CTNNBL1: variants seen among roughly 807,000 people sequenced by gnomAD.
CTNNBL1 encodes catenin beta like 1, also known as beta-catenin-like protein 1.
A neutral mutation model predicts 72.7 loss-of-function variants in CTNNBL1; 31 were observed. The observed-to-expected ratio is 0.43, with a 90% confidence interval of 0.32 to 0.58. CTNNBL1 has a LOEUF of 0.58. Ranked by LOEUF, CTNNBL1 falls within the 20% of genes least tolerant of loss-of-function variation. The pLI is 0.08. For missense variants in CTNNBL1, 534 were observed against 725.1 expected, an observed-to-expected ratio of 0.74 and a Z score of 3.03; for synonymous variants, 240 against 267.3, an observed-to-expected ratio of 0.90 and a Z score of 1.00.
chr20:37,782,464 A>G (rs1184387714), intron 10 of CTNNBL1, among the ~76,000 whole-genome samples: 1 of 152,218 alleles, frequency 6.6e-6, no homozygotes, highest in African/African-American at 2.4e-5. Flanking sequence ...AGTAAAATGT[A>G]CGCATTTTAA....
chr20:37,852,738 G>A (rs35103049), intron 13 of CTNNBL1, among the ~76,000 whole-genome samples: 2,107 of 152,208 alleles, frequency 0.014, 29 homozygotes, highest in Middle Eastern at 0.037. Flanking sequence ...ACTGAGCTTC[G>A]CCTCGGCTTC....
At chr20:37,869,615 G>A (rs1285725341) in intron 15 of CTNNBL1, among the ~76,000 whole-genome samples, 1 of 152,254 alleles carries the variant, frequency 6.6e-6, no homozygotes, top group East Asian at 1.9e-4. Context: ...AGGCCCACAT[G>A]TGCTGGAGGC....
chr20:37,824,378 C>T (rs1250051459), intron 11 of CTNNBL1, among the ~76,000 whole-genome samples: 10 of 152,250 alleles, frequency 6.6e-5, no homozygotes, highest in South Asian at 2.1e-4. Flanking sequence ...GCATTTGGCA[C>T]TAGGACCTTC....
At chr20:37,747,454 A>C (rs914888189) in intron 4 of CTNNBL1, among the ~76,000 whole-genome samples, 2 of 150,990 alleles carry the variant, frequency 1.3e-5, no homozygotes, top group African/African-American at 4.9e-5. Context: ...TGCATGTTGG[A>C]CCTAAACAGA....
chr20:37,801,784 C>G (rs1397755596), intron 10 of CTNNBL1, among the ~76,000 whole-genome samples: 2 of 152,120 alleles, frequency 1.3e-5, no homozygotes, highest in East Asian at 3.9e-4. Flanking sequence ...TGTTTCCCCC[C>G]TAAGACAAGG....
chr20:37,746,750 A>G, intron 4 of CTNNBL1, 143 bp downstream of exon 4: 1 of 1,120,202 alleles, frequency 8.9e-7, no homozygotes, highest in Non-Finnish European at 1.3e-6. Context: ...CTTGAAACAC[A>G]CAATGCTTTT....
chr20:37,732,703 T>G (rs915916851), intron 1 of CTNNBL1, among the ~76,000 whole-genome samples, 176 bp from the exon 2 acceptor site: 5 of 152,212 alleles, frequency 3.3e-5, no homozygotes, highest in African/African-American at 9.6e-5. Flanking sequence ...AGTCTTTTTT[T>G]GTATTTTTTG....
chr20:37,767,362 T>C (rs1317834534), intron 6 of CTNNBL1, among the ~76,000 whole-genome samples: 3 of 152,246 alleles, frequency 2.0e-5, no homozygotes, highest in Admixed American at 1.3e-4. Context: ...TTGTAGGAGA[T>C]AGCAGGACCA....
chr20:37,795,881 A>G (rs896434069), intron 10 of CTNNBL1, among the ~76,000 whole-genome samples: 1 of 143,480 alleles, frequency 7.0e-6, no homozygotes, highest in Middle Eastern at 3.3e-3. Context: ...AAATATTGTG[A>G]ATTTTACCTT....
intron 3 of CTNNBL1, among the ~76,000 whole-genome samples, chr20:37,742,404 C>T (rs1174513594): frequency 1.3e-5 from 2 of 152,214 alleles, no homozygotes; most frequent in East Asian, 3.8e-4. Context: ...AAGAAATTGT[C>T]TCTGGCAGAA....
At chr20:37,732,521 C>T (rs989134261) in intron 1 of CTNNBL1, among the ~76,000 whole-genome samples, 1 of 152,034 alleles carries the variant, frequency 6.6e-6, no homozygotes, top group Non-Finnish European at 1.5e-5. Flanking sequence ...GGCAAAACTG[C>T]GTATAAAAAA....
intron 7 of CTNNBL1, among the ~76,000 whole-genome samples, chr20:37,774,187 T>C (rs1258258200): frequency 6.6e-6 from 1 of 151,966 alleles, no homozygotes; most frequent in African/African-American, 2.4e-5. Context: ...GTGCTGGGAG[T>C]ACAGGTGTGA....
chr20:37,733,000 A>C lies in CTNNBL1; in HGVS notation c.152A>C (p.Glu51Ala). 1 of 1,614,058 alleles carries C rather than the reference A, an allele frequency of 6.2e-7. No homozygotes were observed. ...GAAGAAGAAATGACTGTGGTGGAGG[A>C]AGCGGATGATGACAAAAAAAGGCTG... ...YREEEMTVVE[E>A]ADDDKKRLLQ... The change falls in exon 2 of 16, where the codon GAA becomes GCA. Residue 51 changes from glutamate (E) to alanine (A), a missense_variant. Coordinates refer to ENST00000361383, the MANE Select transcript of CTNNBL1 (RefSeq NM_030877.5).
chr20:37,698,857 G>T (rs1432136654), intron 1 of CTNNBL1, among the ~76,000 whole-genome samples: 1 of 152,130 alleles, frequency 6.6e-6, no homozygotes, highest in Non-Finnish European at 1.5e-5. Context: ...ACCAGCCTGG[G>T]CAACATGGTG....
intron 11 of CTNNBL1, among the ~76,000 whole-genome samples, chr20:37,831,287 T>A (rs76923382): frequency 0.016 from 2,406 of 152,330 alleles, 62 homozygotes; most frequent in African/African-American, 0.054. Flanking sequence ...GTCCTTCACA[T>A]ATGCGCTGAG....
chr20:37,818,584 G>A (rs2122765974), intron 11 of CTNNBL1, among the ~76,000 whole-genome samples: 1 of 152,326 alleles, frequency 6.6e-6, no homozygotes, highest in South Asian at 2.1e-4. Context: ...AAACAGGCAG[G>A]CAGAGGACCT....
chr20:37,783,034 C>T (rs1037649029), intron 10 of CTNNBL1, among the ~76,000 whole-genome samples: 5 of 152,180 alleles, frequency 3.3e-5, no homozygotes, highest in African/African-American at 1.2e-4. Context: ...CTTTTTATCA[C>T]TCCCAAAGGT....
chr20:37,837,296 T>C (rs2072263568), intron 11 of CTNNBL1, among the ~76,000 whole-genome samples: 2 of 152,130 alleles, frequency 1.3e-5, no homozygotes, highest in Non-Finnish European at 2.9e-5. Flanking sequence ...TTCTCTCCAC[T>C]ACTTTCTACC....
rs150294199 is a variant in CTNNBL1 at position 37,825,669 on chromosome 20, C to T, written c.1214-14433C>T. On this transcript the variant is annotated intron_variant, in intron 11 of 15. Transcript: ENST00000361383. ...CAGTCTGGGCAACAAGAGCAAAACC[C>T]CATCTCAAAAAAAAAAGTAGTAAGA... Among the ~76,000 whole-genome samples, 735 of 152,138 alleles carry T rather than the reference C, an allele frequency of 4.8e-3. 7 individuals are homozygous for T. Among genetic ancestry groups the T allele is most frequent in the African/African-American group, 0.017 (708 of 41,516 alleles).
Sources: gnomAD v4.1 joint callset for allele counts (sites outside exome capture counted in the v4.1 genomes callset) on GRCh38, gnomAD v4.1.1 for gene constraint, MANE v1.5 for transcripts, NCBI Gene and HGNC (gene_info 2026-07-23, HGNC 2026-07-21) for gene names.